The following OSBPL2 variants were observed in gnomAD, a reference collection of about 807,000 sequenced individuals.
OSBPL2 encodes oxysterol binding protein like 2.
A neutral mutation model predicts 58.4 loss-of-function variants in OSBPL2; 18 were observed. That is an observed-to-expected ratio of 0.31 (90% CI 0.21 to 0.46). The LOEUF (loss-of-function observed/expected upper bound fraction) is 0.46, where lower values mean the gene tolerates loss of function less well. Ranked by LOEUF, OSBPL2 falls within the 20% of genes least tolerant of loss-of-function variation. OSBPL2 has a pLI of 1.00. For synonymous variants in OSBPL2, 221 were observed against 234.1 expected (o/e 0.94, Z 0.51); for missense variants, 461 against 616.5 (o/e 0.75, Z 2.67).
chr20:62,247,068 T>G (rs537963062), intron 1 of OSBPL2, among the ~76,000 whole-genome samples: 32 of 152,308 alleles, frequency 2.1e-4, no homozygotes, highest in Non-Finnish European at 3.7e-4. Flanking sequence ...GACAGTGGCT[T>G]TGGTTTGCTC....
intron 7 of OSBPL2, chr20:62,280,110 C>T (rs755755930): frequency 7.7e-7 from 1 of 1,304,040 alleles, no homozygotes; most frequent in South Asian, 1.2e-5. Context: ...TCCTGGGCCA[C>T]CAGTTCTGAG....
At chr20:62,264,394 G>A (rs979859128) in intron 4 of OSBPL2, among the ~76,000 whole-genome samples, 2 of 152,174 alleles carry the variant, frequency 1.3e-5, no homozygotes, top group Non-Finnish European at 2.9e-5. Flanking sequence ...TCCTGACTGT[G>A]AGAACCCAAG....
At chr20:62,243,683 G>C (rs1391248430) in intron 1 of OSBPL2, among the ~76,000 whole-genome samples, 1 of 152,102 alleles carries the variant, frequency 6.6e-6, no homozygotes, top group East Asian at 1.9e-4. Flanking sequence ...GAGGGTCTGG[G>C]GTGGGTCCTC....
At chr20:62,258,463 A>G (rs1350554020) in intron 2 of OSBPL2, among the ~76,000 whole-genome samples, 1 of 152,232 alleles carries the variant, frequency 6.6e-6, no homozygotes, top group Non-Finnish European at 1.5e-5. Flanking sequence ...GGACATGAAC[A>G]GTGTGTATGG....
intron 2 of OSBPL2, among the ~76,000 whole-genome samples, chr20:62,257,399 C>T (rs946970546): frequency 1.3e-5 from 2 of 152,210 alleles, no homozygotes; most frequent in Non-Finnish European, 2.9e-5. Context: ...TCCTTACCGG[C>T]TTCAAAGGCT....
intron 9 of OSBPL2, among the ~76,000 whole-genome samples, chr20:62,283,500 A>T (rs1342737118): frequency 6.6e-6 from 1 of 152,092 alleles, no homozygotes; most frequent in Non-Finnish European, 1.5e-5. Flanking sequence ...TCTGGTGGCC[A>T]CTCTGCAAAG....
intron 11 of OSBPL2, among the ~76,000 whole-genome samples, chr20:62,286,969 G>A (rs1276318891): frequency 1.3e-5 from 2 of 152,246 alleles, no homozygotes; most frequent in African/African-American, 4.8e-5. Context: ...CATGCAGGTC[G>A]AGGTGTGGAC....
At position 62,289,000 on chromosome 20, in the gene OSBPL2, A is replaced by C. The variant is rs769515646; in HGVS notation, c.1126-207A>C. On this transcript the variant is annotated intron_variant, in intron 11 of 13. Transcript: ENST00000313733. This position sits in a 1 kb window ranked among gnomAD's most constrained non-coding sequence, Gnocchi z 4.8. The stretch of plus-strand genomic sequence containing the variant: ...GTTTTGCTGGTATACCTCAAAATGC[A>C]AACGTTACAGCCGCAGTGCATGATA... 1.3e-5 allele frequency among the ~76,000 whole-genome samples: 2 copies of C among 152,190 alleles called. No homozygotes were observed. Among genetic ancestry groups the C allele is most frequent in the East Asian group, 3.8e-4 (2 of 5,200 alleles).
intron 10 of OSBPL2, 69 bp downstream of exon 10, chr20:62,284,238 T>C (rs1379246807): frequency 6.3e-7 from 1 of 1,598,264 alleles, no homozygotes; most frequent in Admixed American, 1.7e-5. Context: ...CGCTGCTGCC[T>C]TTAGCTCACC....
chr20:62,261,316 CAAAA>C (rs11484468), intron 3 of OSBPL2, among the ~76,000 whole-genome samples: 4 of 85,734 alleles, frequency 4.7e-5, no homozygotes, highest in African/African-American at 1.1e-4. Flanking sequence ...ACTCCATCTC[CAAAA>C]AAAAAAAAAA....
intron 3 of OSBPL2, among the ~76,000 whole-genome samples, chr20:62,261,789 G>T (rs777802996): frequency 6.6e-6 from 1 of 152,112 alleles, no homozygotes; most frequent in Non-Finnish European, 1.5e-5. Context: ...TGTTTGAGAC[G>T]GAGTCTCACT....
At chr20:62,243,447 C>G (rs1322814034) in intron 1 of OSBPL2, among the ~76,000 whole-genome samples, 2 of 148,160 alleles carry the variant, frequency 1.3e-5, no homozygotes, top group African/African-American at 5.3e-5. Context: ...GCCCCTGCCC[C>G]GCAGCGCCTG....
At chr20:62,260,268 CTCTGTCT>C in intron 3 of OSBPL2, 143 bp downstream of exon 3, 2 of 747,480 alleles carry the variant, frequency 2.7e-6, no homozygotes, top group Middle Eastern at 3.9e-4. Flanking sequence ...GGACAGCCTC[CTCTGTCT>C]GGCCAGCAAG....
chr20:62,276,438 A>G (rs564645825), intron 6 of OSBPL2, among the ~76,000 whole-genome samples: 1 of 152,350 alleles, frequency 6.6e-6, no homozygotes, highest in East Asian at 1.9e-4. Context: ...TGGAGAAGCA[A>G]CATAAATGTC....
intron 4 of OSBPL2, among the ~76,000 whole-genome samples, chr20:62,267,483 A>G (rs1981756623): frequency 6.6e-6 from 1 of 152,166 alleles, no homozygotes; most frequent in South Asian, 2.1e-4. Flanking sequence ...GGGGTCTGGC[A>G]TCATCTACTT....
At chr20:62,267,713 G>C (rs562801415) in intron 4 of OSBPL2, among the ~76,000 whole-genome samples, 1 of 152,222 alleles carries the variant, frequency 6.6e-6, no homozygotes, top group East Asian at 1.9e-4. Context: ...CAGCCCTGGC[G>C]AGGACAGATT....
intron 6 of OSBPL2, among the ~76,000 whole-genome samples, chr20:62,274,707 G>T (rs908505519): frequency 6.6e-6 from 1 of 152,226 alleles, no homozygotes; most frequent in Admixed American, 6.5e-5. Context: ...CGCTCCGCCT[G>T]CCTGGGGAGA....
intron 3 of OSBPL2, among the ~76,000 whole-genome samples, chr20:62,261,026 T>C (rs916363982): frequency 2.6e-5 from 4 of 151,546 alleles, no homozygotes; most frequent in African/African-American, 7.3e-5. Flanking sequence ...TCTTTGTTGA[T>C]AGAAGCACGA....
At chr20:62,284,254 G>T in intron 10 of OSBPL2, 85 bp downstream of exon 10, 2 of 1,550,574 alleles carry the variant, frequency 1.3e-6, no homozygotes, top group Non-Finnish European at 1.8e-6. Context: ...TCACCTGTTG[G>T]GGTCCCAGGG....
Sources: allele counts gnomAD v4.1 joint callset (sites outside exome capture counted in the v4.1 genomes callset), GRCh38; gene constraint gnomAD v4.1.1; non-coding constraint Gnocchi (gnomAD v3.1); transcripts MANE v1.5; gene names NCBI Gene and HGNC (gene_info 2026-07-23, HGNC 2026-07-21).